PCDH15: variants seen among roughly 807,000 people sequenced by gnomAD.
PCDH15 encodes the protein protocadherin-15.
Under a neutral mutation model 178.5 loss-of-function variants are expected in PCDH15, and 129 were observed. The ratio of observed to expected loss-of-function variants is 0.72; its 90% CI spans 0.63 to 0.84. The LOEUF (loss-of-function observed/expected upper bound fraction) is 0.84, where lower values mean the gene tolerates loss of function less well. PCDH15 is among the 40% of genes least tolerant of loss of function. The probability of loss-of-function intolerance (pLI) is 0.00; values close to 1 mark genes in which losing one functional copy is unlikely to be tolerated. For missense variants in PCDH15, 2,230 were observed against 2,099.9 expected (o/e 1.06, Z -1.21); for synonymous variants, 800 against 732.0 (o/e 1.09, Z -1.50).
chr10:54,468,882 T>G (rs2077705896), intron 3 of PCDH15, among the ~76,000 whole-genome samples: 1 of 152,172 alleles, frequency 6.6e-6, no homozygotes, highest in Non-Finnish European at 1.5e-5. Flanking sequence ...CTGAATTTAT[T>G]CCTTTATAAT....
intron 3 of PCDH15, among the ~76,000 whole-genome samples, chr10:54,890,617 C>T (rs917006556): frequency 4.6e-5 from 7 of 151,936 alleles, no homozygotes; most frequent in African/African-American, 1.7e-4. Context: ...CTTCACAGAT[C>T]CTCATGAAGG....
chr10:54,803,363 T>A (rs552347575), upstream of PCDH15, among the ~76,000 whole-genome samples: 152 of 152,310 alleles, frequency 1.0e-3, 1 homozygote, highest in Middle Eastern at 0.014. Flanking sequence ...ATTTGTAGAA[T>A]CCTGGTTTAA....
Position 55,276,219 on chromosome 10 carries a change from C to G in PCDH15, c.-156+43380G>C, listed in dbSNP as rs117310907. On this transcript the variant is annotated intron_variant, in intron 1 of 5. Coordinates refer to the PCDH15 transcript ENST00000458638. ...TAAAAGAACTTACCTTTATTCCTTA[C>G]AAACTCTTAAGATTCTCTAATATAA... Among the ~76,000 whole-genome samples, 1,382 of 150,776 alleles carry G rather than the reference C, an allele frequency of 9.2e-3. 6 individuals carry two copies. Among genetic ancestry groups the G allele is most frequent in the Non-Finnish European group, 0.014 (973 of 67,524 alleles).
rs560850857 is a variant in PCDH15, at chr10:54,046,830, A to G, written c.2220+19927T>C. Among the ~76,000 whole-genome samples the G allele has an allele frequency of 2.7e-4, 41 of 152,244 alleles. No individual in the cohort carries two copies. In the South Asian group the frequency reaches 7.5e-3, roughly 28 times the overall value. On this transcript the variant is annotated intron_variant, in intron 18 of 37. Coordinates refer to ENST00000644397, the MANE Select transcript of PCDH15 (RefSeq NM_001384140.1). Reference sequence around the variant, plus strand: ...TTTTTTTTCTTAAAGTTTAAAGGACAAGAGTTGGTCTTAATAAAAATCTCC... The same window carrying G: ...TTTTTTTTCTTAAAGTTTAAAGGACGAGAGTTGGTCTTAATAAAAATCTCC...
At chr10:54,614,941 A>T (rs1012285126) in intron 2 of PCDH15, among the ~76,000 whole-genome samples, 2 of 152,096 alleles carry the variant, frequency 1.3e-5, no homozygotes, top group African/African-American at 4.8e-5. Flanking sequence ...TATGATATGT[A>T]TAAGATATGC....
Position 55,465,016 on chromosome 10 carries a change from C to T in PCDH15, c.-156+162609G>A, listed in dbSNP as rs998148614. ...TAAACTAGTGCCGGGTAAATGCAAA[C>T]CCTGTTGTGGATCTGACTACTAGAT... On this transcript the variant is annotated intron_variant, in intron 2 of 5. Transcript: ENST00000613346. 2.0e-5 allele frequency among the ~76,000 whole-genome samples: 3 copies of T among 151,810 alleles called. No homozygotes were observed. In the East Asian group the frequency reaches 5.8e-4, roughly 29 times the overall value.
At chr10:54,204,805 A>ATT (rs2134012655) in intron 10 of PCDH15, among the ~76,000 whole-genome samples, 1 of 152,210 alleles carries the variant, frequency 6.6e-6, no homozygotes, top group East Asian at 1.9e-4. Flanking sequence ...ATCTGTGTTC[A>ATT]TTAAAGATGG....
chr10:54,972,581 G>A (rs1838962231), intron 2 of PCDH15, among the ~76,000 whole-genome samples: 1 of 151,758 alleles, frequency 6.6e-6, no homozygotes, highest in Non-Finnish European at 1.5e-5. Flanking sequence ...ATACGTGGTG[G>A]CTCACGCCTG....
At chr10:54,426,793 T>C (rs1326504170) in intron 3 of PCDH15, among the ~76,000 whole-genome samples, 1 of 152,194 alleles carries the variant, frequency 6.6e-6, no homozygotes, top group Non-Finnish European at 1.5e-5. Flanking sequence ...TTTTCCTGTT[T>C]TAGGGCTATT....
intron 1 of PCDH15, among the ~76,000 whole-genome samples, chr10:54,763,971 T>C (rs1269733627): frequency 1.3e-5 from 2 of 151,760 alleles, no homozygotes; most frequent in African/African-American, 4.8e-5. Flanking sequence ...TTAGATCTAA[T>C]TTTTAAAAGT....
intron 1 of PCDH15, among the ~76,000 whole-genome samples, chr10:54,752,099 T>C (rs1946305145): frequency 6.6e-6 from 1 of 152,218 alleles, no homozygotes; most frequent in African/African-American, 2.4e-5. Flanking sequence ...TTCTGAAAGC[T>C]ACATCTGTAT....
intron 25 of PCDH15, among the ~76,000 whole-genome samples, chr10:53,917,378 A>G (rs1454394346): frequency 6.6e-6 from 1 of 152,196 alleles, no homozygotes; most frequent in East Asian, 1.9e-4. Flanking sequence ...TTTGACATAT[A>G]ATTAAAAATA....
At chr10:54,361,380 T>C (rs1481373863) in intron 5 of PCDH15, among the ~76,000 whole-genome samples, 4 of 152,060 alleles carry the variant, frequency 2.6e-5, no homozygotes, top group Non-Finnish European at 5.9e-5. Flanking sequence ...GGAATCATGA[T>C]TGGATGAAAG....
intron 2 of PCDH15, among the ~76,000 whole-genome samples, chr10:54,537,708 G>A (rs1310262256): frequency 6.6e-6 from 1 of 151,960 alleles, no homozygotes; most frequent in Non-Finnish European, 1.5e-5. Context: ...TTTCCACATT[G>A]GCTGAACTAA....
chr10:54,011,418 A>G (rs921273632), intron 20 of PCDH15, among the ~76,000 whole-genome samples: 6 of 152,190 alleles, frequency 3.9e-5, no homozygotes, highest in Admixed American at 2.0e-4. Context: ...TGCCACAGCC[A>G]CAGCCAAGGT....
chr10:53,848,008 G>T (rs1045644199), intron 28 of PCDH15, among the ~76,000 whole-genome samples: 4 of 151,902 alleles, frequency 2.6e-5, no homozygotes, highest in Non-Finnish European at 5.9e-5. Context: ...GAATTCTCTT[G>T]CATAAACATT....
At chr10:53,836,624 C>CAAAAAA (rs2077324532) in intron 29 of PCDH15, among the ~76,000 whole-genome samples, 1 of 152,162 alleles carries the variant, frequency 6.6e-6, no homozygotes, top group Non-Finnish European at 1.5e-5. Context: ...CAAATAATTC[C>CAAAAAA]TGAATAGCTT....
intron 2 of PCDH15, among the ~76,000 whole-genome samples, chr10:55,156,743 TA>T (rs1298207732): frequency 6.6e-6 from 1 of 152,144 alleles, no homozygotes; most frequent in Non-Finnish European, 1.5e-5. Flanking sequence ...GGGGAGTTTG[TA>T]ACCTAAGCTA....
At chr10:54,102,932 G>A (rs544181948) in intron 15 of PCDH15, among the ~76,000 whole-genome samples, 20 of 152,298 alleles carry the variant, frequency 1.3e-4, no homozygotes, top group South Asian at 6.2e-4. Flanking sequence ...CAGAGCCAGT[G>A]TCCAGCAGTC....
Sources: allele counts gnomAD v4.1 joint callset (sites outside exome capture counted in the v4.1 genomes callset), GRCh38; gene constraint gnomAD v4.1.1; transcripts MANE v1.5; gene names NCBI Gene and HGNC (gene_info 2026-07-23, HGNC 2026-07-21).